DGKG: variants seen among roughly 807,000 people sequenced by gnomAD.
DGKG encodes diacylglycerol kinase gamma, also known as DAG kinase gamma.
DGKG carries 78 observed loss-of-function variants against 105.3 expected under a neutral mutation model. The observed-to-expected ratio is 0.74, with a 90% CI of 0.62 to 0.89. The LOEUF (loss-of-function observed/expected upper bound fraction) is 0.89. Among genes scored for constraint, DGKG ranks in the 40% least tolerant of loss-of-function variants. The pLI is 0.00. For missense variants in DGKG, 958 were observed against 1,020.1 expected (o/e 0.94, Z 0.83); for synonymous variants, 346 against 367.1 (o/e 0.94, Z 0.66).
intron 3 of DGKG, among the ~76,000 whole-genome samples, chr3:186,298,938 G>C (rs953346292): frequency 6.6e-6 from 1 of 152,190 alleles, no homozygotes; most frequent in African/African-American, 2.4e-5. Context: ...ACCAGGAGAA[G>C]AGCAGGAAGC....
intron 23 of DGKG, among the ~76,000 whole-genome samples, chr3:186,163,511 G>C (rs1716398238): frequency 6.6e-6 from 1 of 152,022 alleles, no homozygotes; most frequent in East Asian, 1.9e-4. Flanking sequence ...TAAAATGGGA[G>C]GGAAAAGCTA....
At chr3:186,334,569 C>T (rs968973080) in intron 1 of DGKG, among the ~76,000 whole-genome samples, 2 of 152,240 alleles carry the variant, frequency 1.3e-5, no homozygotes, top group African/African-American at 4.8e-5. Context: ...TCCTCTACCC[C>T]AGAGGTGTCT....
At chr3:186,160,712 C>T (rs1451277533) in intron 24 of DGKG, 3 of 985,282 alleles carry the variant, frequency 3.0e-6, no homozygotes, top group Non-Finnish European at 3.6e-6. Flanking sequence ...TTGAAATTTG[C>T]ATAGCTGCAA....
At chr3:186,239,642 C>T (rs558047167) in intron 20 of DGKG, among the ~76,000 whole-genome samples, 96 of 152,290 alleles carry the variant, frequency 6.3e-4, no homozygotes, top group African/African-American at 1.9e-3. Context: ...AGGAAGCGTT[C>T]GGTGACCTTG....
intron 19 of DGKG, 70 bp from the exon 20 acceptor site, chr3:186,242,638 G>C (rs373453872): frequency 1.7e-5 from 22 of 1,315,108 alleles, no homozygotes; most frequent in Non-Finnish European, 2.3e-5. Context: ...GGGAAGGGAC[G>C]CACGCATGCA....
Position 186,271,992 on chromosome 3 carries a change from C to T in DGKG, c.999+263G>A, listed in dbSNP as rs74327778. ...TTCTTTGCTTACATGCCCGTCTCTC[C>T]TTCTAGACAGCATAGTTCTTGAGCA... On this transcript the variant is annotated intron_variant, in intron 11 of 24. Coordinates refer to ENST00000265022, the MANE Select transcript of DGKG (RefSeq NM_001346.3). Among the ~76,000 whole-genome samples, 1,200 of 152,314 alleles carry T rather than the reference C, an allele frequency of 7.9e-3. 13 individuals are homozygous for T. The highest frequency in any genetic ancestry group is 0.027 in the African/African-American group (1,121 of 41,564).
chr3:186,206,804 C>A (rs1560094987), intron 21 of DGKG, among the ~76,000 whole-genome samples: 1 of 151,592 alleles, frequency 6.6e-6, no homozygotes. Flanking sequence ...GGCTGTAATG[C>A]AATGGCCTGG....
chr3:186,189,916 T>G (rs1288795573), intron 21 of DGKG, among the ~76,000 whole-genome samples: 2 of 152,098 alleles, frequency 1.3e-5, no homozygotes, highest in African/African-American at 4.8e-5. Context: ...CCCTCCTTCC[T>G]CCTCCATAGG....
In DGKG at chr3:186,306,906, G is replaced by C; in HGVS notation, c.139C>G (p.His47Asp). ...TAAAATGGAAATGTTCTTACCTCAT[G>C]TGGGTCATATTGTTTGAGGCTCCCA... ...EGGSLKQYDP[H>D]EPISYDVFKL... The change falls in exon 3 of 25, where the codon CAT (histidine) becomes GAT (aspartate). Residue 47 changes from histidine (H) to aspartate (D), a missense_variant. Transcript: ENST00000265022. The C allele has an allele frequency of 1.2e-6, 2 of 1,604,582 alleles. No homozygotes were observed. The highest frequency in any genetic ancestry group is 1.7e-6 in the Non-Finnish European group (2 of 1,171,550).
intron 24 of DGKG, chr3:186,158,356 C>T: frequency 1.0e-6 from 1 of 976,030 alleles, no homozygotes; most frequent in Non-Finnish European, 1.2e-6. Context: ...AAACTGGAGC[C>T]TTCTTATTTT....
chr3:186,261,958 T>C (rs1054541365), intron 14 of DGKG, 180 bp from the exon 15 acceptor site: 3 of 538,672 alleles, frequency 5.6e-6, no homozygotes, highest in South Asian at 2.0e-5. Context: ...CCAGTTTGAA[T>C]GGCCTTTAAG....
At chr3:186,242,444 G>C (rs2108552347) in intron 20 of DGKG, 60 bp downstream of exon 20, 4 of 1,432,916 alleles carry the variant, frequency 2.8e-6, no homozygotes, top group South Asian at 1.3e-5. Flanking sequence ...CAGGTGAAAG[G>C]CCTCTGTTCC....
At chr3:186,262,963 C>T (rs1205503324) in intron 14 of DGKG, among the ~76,000 whole-genome samples, 2 of 152,006 alleles carry the variant, frequency 1.3e-5, no homozygotes, top group Non-Finnish European at 2.9e-5. Flanking sequence ...CCCGTCTCTA[C>T]TAAAAATACA....
intron 22 of DGKG, among the ~76,000 whole-genome samples, chr3:186,175,676 TC>T (rs939978486): frequency 1.3e-5 from 2 of 152,024 alleles, no homozygotes; most frequent in African/African-American, 4.8e-5. Flanking sequence ...CCCGGTGAGG[TC>T]CAGTGCTGGG....
intron 21 of DGKG, among the ~76,000 whole-genome samples, chr3:186,200,718 G>A (rs2108510648): frequency 6.6e-6 from 1 of 152,350 alleles, no homozygotes; most frequent in African/African-American, 2.4e-5. Flanking sequence ...CTGACAGTGA[G>A]CTGAGGTGGG....
intron 1 of DGKG, among the ~76,000 whole-genome samples, chr3:186,349,220 A>G (rs1410697501): frequency 6.6e-6 from 1 of 151,926 alleles, no homozygotes; most frequent in Non-Finnish European, 1.5e-5. Flanking sequence ...AACATCTTCT[A>G]TTTTTTCTTT....
intron 2 of DGKG, among the ~76,000 whole-genome samples, chr3:186,310,544 T>G (rs1724490993): frequency 1.3e-5 from 2 of 152,224 alleles, no homozygotes; most frequent in Admixed American, 1.3e-4. Flanking sequence ...GAGGAGTAAG[T>G]AGGTATTATG....
At position 186,209,455 on chromosome 3, in the gene DGKG, A is replaced by G. The variant is rs564516425; in HGVS notation, c.1917+2340T>C. ...CAGCTTGCTTCCCCATAAAATGGGG[A>G]TAATAATCTCTGGACTACTTAGCTC... On this transcript the variant is annotated intron_variant, in intron 21 of 24. Transcript: ENST00000265022. Among the ~76,000 whole-genome samples, 4 of 152,148 alleles carry G rather than the reference A, an allele frequency of 2.6e-5. No individual in the cohort carries two copies. The East Asian group carries it at 7.8e-4, about 29-fold the overall frequency.
intron 1 of DGKG, among the ~76,000 whole-genome samples, chr3:186,339,204 C>T (rs1725973382): frequency 6.6e-6 from 1 of 152,146 alleles, no homozygotes; most frequent in Non-Finnish European, 1.5e-5. Flanking sequence ...AAATACTCTG[C>T]TAGGAGCTAT....
Sources: gnomAD v4.1 joint callset for allele counts (sites outside exome capture counted in the v4.1 genomes callset) on GRCh38, gnomAD v4.1.1 for gene constraint, MANE v1.5 for transcripts, NCBI Gene and HGNC (gene_info 2026-07-23, HGNC 2026-07-21) for gene names.